Variants in RSF1 observed in about 807,000 individuals in gnomAD.
RSF1 encodes HBV pX-associated protein 8.
Under a neutral mutation model 145.2 loss-of-function variants are expected in RSF1, and 13 were observed. The ratio of observed to expected loss-of-function variants is 0.09; its 90% CI spans 0.06 to 0.14. The LOEUF (loss-of-function observed/expected upper bound fraction) is 0.14. Ranked by LOEUF, RSF1 falls within the 10% of genes least tolerant of loss-of-function variation. The pLI is 1.00. For missense variants in RSF1, 1,517 were observed against 1,718.2 expected, an observed-to-expected ratio of 0.88 and a Z score of 2.07; for synonymous variants, 577 against 592.6, an observed-to-expected ratio of 0.97 and a Z score of 0.38.
Position 77,702,308 on chromosome 11 carries a change from A to T in RSF1, c.921T>A (p.Ile307=), listed in dbSNP as rs377629185. ...TGAAGGAATCACTTTCTTCTTTGAT[A>T]ATCTTTTTTTCTTCATTTTCTGGCA... ...KPLPENEEKK[I]IKEESDSFKE... is the part of the protein sequence containing the mutation. Residue 307 remains isoleucine, a synonymous_variant, in exon 6 of 16, where the codon ATT becomes ATA. Coordinates refer to ENST00000308488, the MANE Select transcript of RSF1 (RefSeq NM_016578.4). 6.2e-7 allele frequency: 1 copy of T among 1,609,532 alleles called. No individual in the cohort carries two copies. Among genetic ancestry groups the T allele is most frequent in the Admixed American group, 1.7e-5 (1 of 58,964 alleles).
chr11:77,822,583 T>C (rs996405623), upstream of RSF1, among the ~76,000 whole-genome samples: 1 of 152,094 alleles, frequency 6.6e-6, no homozygotes, highest in African/African-American at 2.4e-5. Context: ...TTCCAGGTTT[T>C]AAAAAGGGGA....
chr11:77,685,356 C>T lies in RSF1; in HGVS notation c.2901-197G>A, dbSNP rs555579010. On this transcript the variant is annotated intron_variant, in intron 9 of 15. Coordinates refer to ENST00000308488, the MANE Select transcript of RSF1 (RefSeq NM_016578.4). ...TCTTGCCCAGGGTGGAGTGCAGTGG[C>T]GTAATCTTAGCTCACTGCAACCTCT... Among the ~76,000 whole-genome samples, 13 of 152,212 alleles carry T rather than the reference C, an allele frequency of 8.5e-5. No homozygotes were observed. The East Asian group carries it at 1.5e-3, about 18-fold the overall frequency.
At chr11:77,756,849 G>T (rs945088304) in intron 2 of RSF1, among the ~76,000 whole-genome samples, 1 of 152,182 alleles carries the variant, frequency 6.6e-6, no homozygotes, top group Admixed American at 6.5e-5. Context: ...AATATTGGAA[G>T]GGCAAAGATG....
intron 1 of RSF1, among the ~76,000 whole-genome samples, chr11:77,814,380 G>C: frequency 6.6e-6 from 1 of 152,030 alleles, no homozygotes; most frequent in East Asian, 1.9e-4. Flanking sequence ...GCATGTGCCT[G>C]TAGTTCCAAC....
chr11:77,694,184 G>C (rs973213002), intron 7 of RSF1, among the ~76,000 whole-genome samples: 2 of 152,110 alleles, frequency 1.3e-5, no homozygotes, highest in Non-Finnish European at 2.9e-5. Context: ...TTTTCATTCA[G>C]TATATAGTCA....
In RSF1 at chr11:77,702,385, C is replaced by A; in HGVS notation, c.844G>T (p.Asp282Tyr). The A allele has an allele frequency of 6.2e-7, 1 of 1,609,858 alleles. No individual in the cohort carries two copies. The highest frequency in any genetic ancestry group is 8.5e-7 in the Non-Finnish European group (1 of 1,179,122). Residue 282 changes from aspartate to tyrosine, a missense_variant, in exon 6 of 16, where the codon GAT (aspartate) becomes TAT (tyrosine). By Grantham distance (160) the Asp-to-Tyr change is radical. Transcript: ENST00000308488. ...EETTVKKEKE[D>Y]EKELVKLPVI... The stretch of plus-strand genomic sequence containing the variant: ...GGCAGTTTCACAAGTTCCTTTTCAT[C>A]TTCTTTTTCTTTTTTCACAGTAGTC...
chr11:77,815,827 C>T (rs920620025), intron 1 of RSF1, among the ~76,000 whole-genome samples: 1 of 152,034 alleles, frequency 6.6e-6, no homozygotes, highest in African/African-American at 2.4e-5. Flanking sequence ...AGTGAATAAC[C>T]TCACTAATAA....
chr11:77,730,653 A>G (rs1374782098), intron 4 of RSF1, among the ~76,000 whole-genome samples: 6 of 152,178 alleles, frequency 3.9e-5, no homozygotes, highest in Admixed American at 6.5e-5. Flanking sequence ...CACAATTCCC[A>G]CGTGTTGTGG....
At chr11:77,674,590 A>C (rs1398243714) in intron 14 of RSF1, among the ~76,000 whole-genome samples, 2 of 152,246 alleles carry the variant, frequency 1.3e-5, no homozygotes, top group African/African-American at 2.4e-5. Context: ...TCTGATATGA[A>C]GTTAACGTAT....
the RSF1 span, among the ~76,000 whole-genome samples, chr11:77,865,481 A>G: frequency 6.6e-6 from 1 of 152,244 alleles, no homozygotes; most frequent in Admixed American, 6.5e-5. Context: ...AGAAAAGCTC[A>G]TGCCAAACCT....
intron 14 of RSF1, among the ~76,000 whole-genome samples, chr11:77,672,917 A>G (rs2135813591): frequency 6.6e-6 from 1 of 152,284 alleles, no homozygotes; most frequent in South Asian, 2.1e-4. Flanking sequence ...TCCTGGCCTC[A>G]AGTGATCCGC....
chr11:77,753,107 C>T (rs1416085890), intron 2 of RSF1, among the ~76,000 whole-genome samples: 4 of 152,212 alleles, frequency 2.6e-5, no homozygotes, highest in Non-Finnish European at 5.9e-5. Context: ...CTCAAGGCTG[C>T]TCTGCCTATG....
intron 1 of RSF1, among the ~76,000 whole-genome samples, chr11:77,775,916 G>T (rs1269672568): frequency 6.6e-6 from 1 of 152,166 alleles, no homozygotes; most frequent in Non-Finnish European, 1.5e-5. Flanking sequence ...GGGACCACAG[G>T]CATGTCCCAC....
chr11:77,812,084 T>C (rs1948737272), intron 1 of RSF1, among the ~76,000 whole-genome samples: 1 of 151,928 alleles, frequency 6.6e-6, no homozygotes, highest in South Asian at 2.1e-4. Flanking sequence ...GAGGCTGAAA[T>C]GGGAGGATCG....
At chr11:77,751,485 G>C (rs1442481563) in intron 2 of RSF1, among the ~76,000 whole-genome samples, 1 of 152,062 alleles carries the variant, frequency 6.6e-6, no homozygotes, top group African/African-American at 2.4e-5. Flanking sequence ...TCCTTCTTCT[G>C]TCCCCTTGAG....
chr11:77,830,210 ATGT>A, the RSF1 span: 1 of 152,240 alleles, frequency 6.6e-6, no homozygotes, highest in African/African-American at 2.4e-5. Flanking sequence ...CATCTAGAAT[ATGT>A]TAAAAACATG....
rs1959252844 is a variant in RSF1, at chr11:77,662,453, T to C, written c.*4464A>G. 6.6e-6 allele frequency: 1 copy of C among 152,174 alleles called. No homozygotes were observed. The highest frequency in any genetic ancestry group is 2.1e-4 in the South Asian group (1 of 4,836). 9.4% of individuals were successfully genotyped at this position (152,174 alleles called of 1,614,324 possible). ...CTAAAGTGGTTATATACTAAGCTCA[T>C]TACATTTTGGCTTATGACTGCTTGC... On this transcript the variant is annotated 3_prime_UTR_variant, in exon 16 of 16. Transcript: ENST00000308488.
intron 1 of RSF1, among the ~76,000 whole-genome samples, chr11:77,786,312 ATTG>A (rs1381544920): frequency 1.3e-5 from 2 of 152,218 alleles, no homozygotes; most frequent in Non-Finnish European, 2.9e-5. Flanking sequence ...TAGCAAGATT[ATTG>A]TTAACTTATC....
the RSF1 span, among the ~76,000 whole-genome samples, chr11:77,834,508 A>G: frequency 7.7e-6 from 1 of 130,092 alleles, no homozygotes; most frequent in Non-Finnish European, 1.5e-5. Context: ...TCCTCCTCCC[A>G]GGTTCAAGTG....
Sources: gnomAD v4.1 joint callset for allele counts (sites outside exome capture counted in the v4.1 genomes callset) on GRCh38, gnomAD v4.1.1 for gene constraint, MANE v1.5 for transcripts, NCBI Gene and HGNC (gene_info 2026-07-23, HGNC 2026-07-21) for gene names.